Variants in IFT56 observed in about 807,000 individuals in gnomAD.
IFT56 encodes the protein intraflagellar transport protein 56.
the IFT56 span, among the ~76,000 whole-genome samples, chr7:139,184,849 T>G: frequency 6.7e-6 from 1 of 150,060 alleles, no homozygotes; most frequent in Non-Finnish European, 1.5e-5. Flanking sequence ...GGTCAGGAGA[T>G]CGAGACCATC....
chr7:139,188,724 T>C, the IFT56 span, among the ~76,000 whole-genome samples: 1 of 152,270 alleles, frequency 6.6e-6, no homozygotes, highest in African/African-American at 2.4e-5. Context: ...ACTTAAAATA[T>C]GTTTTAATTT....
chr7:139,158,042 A>C, the IFT56 span, among the ~76,000 whole-genome samples: 1 of 152,112 alleles, frequency 6.6e-6, no homozygotes, highest in Non-Finnish European at 1.5e-5. Context: ...GGCCAGGCAC[A>C]GTGGCTCATG....
chr7:139,138,099 G>C, the IFT56 span, among the ~76,000 whole-genome samples: 2 of 152,146 alleles, frequency 1.3e-5, no homozygotes, highest in East Asian at 1.9e-4. Context: ...GTTAATGAAG[G>C]TAACCAGTGA....
At chr7:139,168,927 A>G in the IFT56 span, among the ~76,000 whole-genome samples, 3 of 152,218 alleles carry the variant, frequency 2.0e-5, no homozygotes, top group African/African-American at 7.2e-5. Flanking sequence ...GTAGATAGGC[A>G]GCAAATATTT....
chr7:139,166,809 A>G, the IFT56 span: 1 of 1,341,276 alleles, frequency 7.5e-7, no homozygotes, highest in Admixed American at 1.7e-5. Context: ...TCTGGAATAC[A>G]GACTAGTATA....
the IFT56 span, among the ~76,000 whole-genome samples, chr7:139,167,708 G>A: frequency 6.6e-6 from 1 of 152,156 alleles, no homozygotes; most frequent in Non-Finnish European, 1.5e-5. Context: ...GGAGGCCAAG[G>A]CAGGTGGATC....
the IFT56 span, among the ~76,000 whole-genome samples, chr7:139,175,792 T>A: frequency 3.3e-5 from 5 of 151,680 alleles, no homozygotes; most frequent in Non-Finnish European, 7.4e-5. Flanking sequence ...AAAAAAAAAA[T>A]TAGAATTAAT....
chr7:139,160,360 ACT>A, the IFT56 span, among the ~76,000 whole-genome samples: 2 of 152,020 alleles, frequency 1.3e-5, no homozygotes, highest in Non-Finnish European at 2.9e-5. Flanking sequence ...GAAAAAACTA[ACT>A]CTAGTAGTCT....
chr7:139,153,822 T>C, the IFT56 span, among the ~76,000 whole-genome samples: 1 of 152,200 alleles, frequency 6.6e-6, no homozygotes, highest in African/African-American at 2.4e-5. Context: ...TTTTTGTTTG[T>C]ATGTATGTTT....
At chr7:139,155,231 A>G in the IFT56 span, among the ~76,000 whole-genome samples, 7 of 152,086 alleles carry the variant, frequency 4.6e-5, no homozygotes, top group Non-Finnish European at 8.8e-5. Flanking sequence ...AGGATTTTCT[A>G]TATATAAGAT....
chr7:139,168,184 C>T, the IFT56 span, among the ~76,000 whole-genome samples: 1 of 151,890 alleles, frequency 6.6e-6, no homozygotes, highest in Non-Finnish European at 1.5e-5. Context: ...AAATGAGTGT[C>T]TCCTAATTCT....
chr7:139,156,731 A>T, the IFT56 span, among the ~76,000 whole-genome samples: 1 of 152,178 alleles, frequency 6.6e-6, no homozygotes, highest in Non-Finnish European at 1.5e-5. Context: ...TATTGAAAAG[A>T]TCAGTCTTTT....
At chr7:139,191,156 A>G in the IFT56 span, 2 of 152,210 alleles carry the variant, frequency 1.3e-5, no homozygotes, top group African/African-American at 4.8e-5. Flanking sequence ...CTTTAGACCC[A>G]TATATAATCA....
the IFT56 span, among the ~76,000 whole-genome samples, chr7:139,163,557 G>C: frequency 3.9e-5 from 6 of 152,232 alleles, no homozygotes; most frequent in African/African-American, 1.4e-4. Flanking sequence ...GTGAGAGGAT[G>C]AGAAGAAAGT....
the IFT56 span, among the ~76,000 whole-genome samples, chr7:139,144,594 G>GT: frequency 1.3e-5 from 2 of 150,668 alleles, 1 homozygote; most frequent in Middle Eastern, 6.8e-3. Flanking sequence ...TAGGCTCCCA[G>GT]TAATATGTAT....
chr7:139,137,759 G>GT, the IFT56 span: 2 of 974,770 alleles, frequency 2.1e-6, no homozygotes, highest in African/African-American at 6.8e-5. Context: ...ATTGCCTGTT[G>GT]TCAGTAACCC....
chr7:139,186,948 G>A, the IFT56 span, among the ~76,000 whole-genome samples: 2 of 150,432 alleles, frequency 1.3e-5, no homozygotes, highest in Non-Finnish European at 2.9e-5. Flanking sequence ...CAAAAAATTA[G>A]CCGGGCGCGG....
chr7:139,134,631 C>G, the IFT56 span: 1 of 1,593,720 alleles, frequency 6.3e-7, no homozygotes. Context: ...TTGGACCATA[C>G]AGCTGTCTTT....
chr7:139,137,744 C>A, the IFT56 span: 1 of 797,888 alleles, frequency 1.3e-6, no homozygotes, highest in South Asian at 1.6e-5. Flanking sequence ...GCTTCTAATA[C>A]TTAGATTGCC....
Sources: allele counts gnomAD v4.1 joint callset (sites outside exome capture counted in the v4.1 genomes callset), GRCh38; gene constraint gnomAD v4.1.1; transcripts MANE v1.5; gene names NCBI Gene and HGNC (gene_info 2026-07-23, HGNC 2026-07-21).